Variants in ARHGEF18 observed in about 807,000 individuals in gnomAD.
ARHGEF18 encodes the protein Rho/Rac guanine nucleotide exchange factor 18, also known as rho guanine nucleotide exchange factor 18.
In ARHGEF18, 93 loss-of-function variants were observed where a neutral mutation model predicts 155.7. That is an observed-to-expected ratio of 0.60 (90% CI 0.50 to 0.71). ARHGEF18 has a LOEUF of 0.71. Ranked by LOEUF, ARHGEF18 falls within the 30% of genes least tolerant of loss-of-function variation. The probability of loss-of-function intolerance (pLI) is 0.00; values close to 1 mark genes in which losing one functional copy is unlikely to be tolerated. For synonymous variants in ARHGEF18, 742 were observed against 753.1 expected (o/e 0.99, Z 0.24); for missense variants, 1,593 against 1,816.1 (o/e 0.88, Z 2.23).
chr19:7,434,812 G>A (rs1049730197), intron 10 of ARHGEF18, among the ~76,000 whole-genome samples: 1 of 152,172 alleles, frequency 6.6e-6, no homozygotes, highest in Non-Finnish European at 1.5e-5. Flanking sequence ...TTATTGAGAC[G>A]TAATTCACAG....
chr19:7,478,795 G>A, the ARHGEF18 span, among the ~76,000 whole-genome samples: 1 of 152,234 alleles, frequency 6.6e-6, no homozygotes, highest in Non-Finnish European at 1.5e-5. Context: ...TGCTCTGTGT[G>A]GAAAGGTCCA....
intron 1 of ARHGEF18, among the ~76,000 whole-genome samples, chr19:7,359,597 G>T (rs1476425807): frequency 6.6e-6 from 1 of 152,094 alleles, no homozygotes; most frequent in Non-Finnish European, 1.5e-5. Flanking sequence ...TAAAGGCTTA[G>T]TCTATGACAC....
chr19:7,468,646 C>G (rs1976812519), intron 26 of ARHGEF18, among the ~76,000 whole-genome samples, 179 bp from the exon 27 acceptor site: 1 of 152,212 alleles, frequency 6.6e-6, no homozygotes, highest in African/African-American at 2.4e-5. Context: ...AGTGTCACCA[C>G]AAGTCTGCAC....
At chr19:7,406,490 G>A (rs77584153) in intron 10 of ARHGEF18, among the ~76,000 whole-genome samples, 4,387 of 152,244 alleles carry the variant, frequency 0.029, 106 homozygotes, top group South Asian at 0.079. Context: ...ATGTCTGGCC[G>A]TGTGCCTATA....
At chr19:7,456,740 C>CA (rs1341365642) in intron 18 of ARHGEF18, among the ~76,000 whole-genome samples, 1 of 152,008 alleles carries the variant, frequency 6.6e-6, no homozygotes, top group Non-Finnish European at 1.5e-5. Context: ...GACTCTATCT[C>CA]AAAACAAAAA....
intron 10 of ARHGEF18, among the ~76,000 whole-genome samples, chr19:7,386,863 C>T (rs1971109580): frequency 1.3e-5 from 2 of 152,042 alleles, no homozygotes; most frequent in Admixed American, 6.6e-5. Flanking sequence ...CCTGGAAGTT[C>T]CCATTGCTGC....
chr19:7,476,444 G>A (rs1977229821), downstream of ARHGEF18, among the ~76,000 whole-genome samples: 1 of 152,246 alleles, frequency 6.6e-6, no homozygotes, highest in African/African-American at 2.4e-5. Context: ...ACTCTGAAGG[G>A]TTGTTCTCAG....
intron 1 of ARHGEF18, chr19:7,355,616 C>T (rs868701037): frequency 3.1e-5 from 31 of 985,352 alleles, no homozygotes; most frequent in South Asian, 4.7e-5. Context: ...CTCACACGCA[C>T]GCATGGCCCC....
intron 16 of ARHGEF18, 130 bp downstream of exon 16, chr19:7,451,396 G>C: frequency 1.5e-6 from 1 of 654,510 alleles, no homozygotes; most frequent in South Asian, 2.2e-5. Flanking sequence ...GGGTGCTGGG[G>C]TTCCTTCCTT....
At chr19:7,353,957 T>TA (rs587629242) in intron 1 of ARHGEF18, among the ~76,000 whole-genome samples, 120,146 of 136,298 alleles carry the variant, frequency 0.88, 53,265 homozygotes, top group Non-Finnish European at 0.94. Flanking sequence ...AGACTCTGTC[T>TA]AAAAAAAAAA....
chr19:7,413,712 G>T (rs919880766), intron 10 of ARHGEF18, among the ~76,000 whole-genome samples: 3 of 152,126 alleles, frequency 2.0e-5, no homozygotes, highest in Admixed American at 2.0e-4. Flanking sequence ...AGTGAGCTAT[G>T]ATTATACCAC....
At chr19:7,371,077 AC>A (rs1250044434) in intron 2 of ARHGEF18, among the ~76,000 whole-genome samples, 2 of 151,884 alleles carry the variant, frequency 1.3e-5, no homozygotes, top group Non-Finnish European at 2.9e-5. Context: ...TGCCCAGCTC[AC>A]TTTTAAATTT....
rs77280909 is a variant in ARHGEF18, at chr19:7,448,786, C to T, written c.1737+1618C>T. ...CTTTGTGTGAGCGTGGGTAGGTGCT[C>T]GAAGCCCAGCCGGAGTCAGCCAAGT... On this transcript the variant is annotated intron_variant, in intron 15 of 28. Transcript: ENST00000668164. Among the ~76,000 whole-genome samples, 21 of 152,128 alleles carry T rather than the reference C, an allele frequency of 1.4e-4. No homozygotes were observed. The East Asian group carries it at 3.1e-3, about 22-fold the overall frequency.
At chr19:7,398,865 C>T (rs1443769399) in intron 10 of ARHGEF18, among the ~76,000 whole-genome samples, 1 of 152,204 alleles carries the variant, frequency 6.6e-6, no homozygotes, top group African/African-American at 2.4e-5. Flanking sequence ...GCAATTACGG[C>T]TTCAAGGCCA....
chr19:7,439,281 C>CT (rs1555720492), intron 10 of ARHGEF18, among the ~76,000 whole-genome samples: 1 of 23,476 alleles, frequency 4.3e-5, no homozygotes, highest in African/African-American at 2.6e-4. Context: ...CATAGTGAGA[C>CT]CCCCCCCCAA....
chr19:7,390,909 G>A (rs1011168124), intron 10 of ARHGEF18, among the ~76,000 whole-genome samples: 3 of 151,998 alleles, frequency 2.0e-5, no homozygotes, highest in Non-Finnish European at 2.9e-5. Context: ...GTGTGGTGGC[G>A]CCTGCCTGTA....
At chr19:7,384,830 T>A (rs1970918106) in intron 10 of ARHGEF18, among the ~76,000 whole-genome samples, 1 of 152,110 alleles carries the variant, frequency 6.6e-6, no homozygotes, top group African/African-American at 2.4e-5. Context: ...TAGCTGGGTC[T>A]ACAGGTGTGC....
At position 7,444,560 on chromosome 19, in the gene ARHGEF18, G is replaced by A; in HGVS notation, c.1611+106G>A. On this transcript the variant is annotated intron_variant, in intron 14 of 28. Coordinates refer to ENST00000668164, the MANE Select transcript of ARHGEF18 (RefSeq NM_001367823.1). This position sits in a 1 kb window ranked among gnomAD's most constrained non-coding sequence, Gnocchi z 4.7. ...GGGTCTTGCCGTGTCGCCCAGGCTG[G>A]AGTGCAGTGGTGCAGTCACAGCTCA... 6.9e-7 allele frequency: 1 copy of A among 1,458,572 alleles called. No individual in the cohort carries two copies. The highest frequency in any genetic ancestry group is 9.1e-7 in the Non-Finnish European group (1 of 1,093,772). The allele number at this position is 1,458,572 out of a possible 1,614,324, so 90.4% of individuals were successfully genotyped here.
intron 2 of ARHGEF18, among the ~76,000 whole-genome samples, chr19:7,363,200 A>G (rs760205156): frequency 1.3e-5 from 2 of 151,986 alleles, no homozygotes; most frequent in Non-Finnish European, 2.9e-5. Context: ...AGAGGAAATC[A>G]AGGAAAGATG....
Sources: allele counts gnomAD v4.1 joint callset (sites outside exome capture counted in the v4.1 genomes callset), GRCh38; gene constraint gnomAD v4.1.1; non-coding constraint Gnocchi (gnomAD v3.1); transcripts MANE v1.5; gene names NCBI Gene and HGNC (gene_info 2026-07-23, HGNC 2026-07-21).